The following PHF21B variants were observed in gnomAD, a reference collection of about 807,000 sequenced individuals.
PHF21B encodes the protein PHD finger protein 21B.
In PHF21B, 22 loss-of-function variants were observed where a neutral mutation model predicts 62.2. That is an observed-to-expected ratio of 0.35 (90% confidence interval 0.25 to 0.51). The LOEUF is 0.51. PHF21B is among the 20% of genes least tolerant of loss of function. PHF21B has a pLI of 0.97. For missense variants in PHF21B, 701 were observed against 707.9 expected (o/e 0.99, Z 0.11); for synonymous variants, 341 against 314.7 (o/e 1.08, Z -0.88).
intron 2 of PHF21B, among the ~76,000 whole-genome samples, chr22:44,959,152 G>A (rs1378520080): frequency 6.6e-6 from 1 of 152,158 alleles, no homozygotes; most frequent in Non-Finnish European, 1.5e-5. Context: ...CTTGTTGGAA[G>A]CTCCCCTGGC....
At chr22:44,919,217 A>C (rs2071492402) in intron 3 of PHF21B, among the ~76,000 whole-genome samples, 1 of 81,752 alleles carries the variant, frequency 1.2e-5, no homozygotes, top group Non-Finnish European at 2.5e-5. Flanking sequence ...GCATGGCCCG[A>C]TCACCCTGGA....
intron 2 of PHF21B, among the ~76,000 whole-genome samples, chr22:44,952,690 G>C (rs2072217405): frequency 6.6e-6 from 1 of 152,172 alleles, no homozygotes; most frequent in African/African-American, 2.4e-5. Context: ...TGATGAATAT[G>C]TTTACAGTTG....
At chr22:44,942,804 G>A (rs570587891) in intron 2 of PHF21B, among the ~76,000 whole-genome samples, 2 of 152,326 alleles carry the variant, frequency 1.3e-5, no homozygotes, top group East Asian at 3.9e-4. Context: ...CGGGGGTGCA[G>A]GAGTTGGTTC....
intron 2 of PHF21B, among the ~76,000 whole-genome samples, chr22:44,996,256 C>G (rs909507160): frequency 2.6e-5 from 4 of 152,144 alleles, no homozygotes; most frequent in African/African-American, 9.7e-5. Context: ...GTTGTAATTA[C>G]ACAGCCACAG....
chr22:44,948,691 GA>G lies in PHF21B; in HGVS notation c.121-28202del, dbSNP rs143726909. 4.8e-3 allele frequency among the ~76,000 whole-genome samples: 603 copies of G among 126,750 alleles called. 1 individual carries two copies. Among genetic ancestry groups the G allele is most frequent in the Middle Eastern group, 8.4e-3 (2 of 238 alleles). 83.2% of individuals were successfully genotyped at this position (126,750 alleles called of 152,430 possible). A position where few individuals can be genotyped will look rare whatever the true frequency, so the allele number is the denominator to read the frequency against. ...GGGTGACAGAGTGAGACTCTGTCTG[GA>G]AAAAAAAAAAAAAAAGAGAGACAGA... is the stretch of plus-strand genomic sequence containing the variant. On this transcript the variant is annotated intron_variant, in intron 2 of 12. Transcript: ENST00000313237.
chr22:44,889,641 C>A (rs1353390564), intron 9 of PHF21B, 119 bp downstream of exon 9: 1 of 1,273,080 alleles, frequency 7.9e-7, no homozygotes, highest in Non-Finnish European at 1.1e-6. Flanking sequence ...AAGGCAGAAC[C>A]GAAAGGCCTT....
chr22:44,926,445 G>T (rs1257503134), intron 2 of PHF21B, among the ~76,000 whole-genome samples: 2 of 152,244 alleles, frequency 1.3e-5, no homozygotes, highest in African/African-American at 4.8e-5. Context: ...TCCTCACTCA[G>T]ATGCCCCAGA....
chr22:44,931,366 G>A (rs1282811735), intron 2 of PHF21B, among the ~76,000 whole-genome samples: 1 of 152,162 alleles, frequency 6.6e-6, no homozygotes. Context: ...ACCCGGCTCG[G>A]TCTCGGTGAC....
intron 2 of PHF21B, among the ~76,000 whole-genome samples, chr22:44,960,399 C>G (rs932675824): frequency 6.6e-6 from 1 of 152,186 alleles, no homozygotes; most frequent in Non-Finnish European, 1.5e-5. Flanking sequence ...CAAAGCCCCC[C>G]ACTCCTGTCC....
At chr22:44,981,485 G>T (rs750896838) in intron 2 of PHF21B, among the ~76,000 whole-genome samples, 4 of 152,244 alleles carry the variant, frequency 2.6e-5, no homozygotes, top group Non-Finnish European at 4.4e-5. Flanking sequence ...CCAAGGCCTG[G>T]CAGGCAGCAG....
chr22:44,889,897 G>T (rs750328131), intron 8 of PHF21B, 115 bp from the exon 9 acceptor site: 2 of 1,155,744 alleles, frequency 1.7e-6, no homozygotes, highest in Non-Finnish European at 2.4e-6. Context: ...GGCATGATGG[G>T]AGCATCATAA....
intron 6 of PHF21B, among the ~76,000 whole-genome samples, chr22:44,893,876 T>G (rs888779560): frequency 6.6e-6 from 1 of 152,204 alleles, no homozygotes; most frequent in Admixed American, 6.5e-5. Context: ...TACCCACAGG[T>G]TGGGTGATAC....
At chr22:44,928,808 C>G (rs2147333447) in intron 2 of PHF21B, among the ~76,000 whole-genome samples, 1 of 152,346 alleles carries the variant, frequency 6.6e-6, no homozygotes, top group South Asian at 2.1e-4. Context: ...CATGGAGACC[C>G]TCACTGGACA....
intron 2 of PHF21B, among the ~76,000 whole-genome samples, chr22:44,973,448 CA>C (rs2072676797): frequency 6.6e-6 from 1 of 152,146 alleles, no homozygotes. Context: ...CAGGCGGAGA[CA>C]GAGAACCACA....
At chr22:44,980,429 G>C (rs547192537) in intron 2 of PHF21B, among the ~76,000 whole-genome samples, 3 of 152,164 alleles carry the variant, frequency 2.0e-5, no homozygotes, top group Non-Finnish European at 2.9e-5. Context: ...CAGGGTTACC[G>C]GGCATCACCA....
intron 2 of PHF21B, among the ~76,000 whole-genome samples, chr22:44,940,319 G>A (rs1207760398): frequency 6.6e-6 from 1 of 152,180 alleles, no homozygotes; most frequent in African/African-American, 2.4e-5. Flanking sequence ...TGCACCCAGC[G>A]CCAATGCCAC....
At chr22:44,897,920 T>C (rs2071088495) in intron 5 of PHF21B, among the ~76,000 whole-genome samples, 1 of 152,164 alleles carries the variant, frequency 6.6e-6, no homozygotes, top group South Asian at 2.1e-4. Context: ...GCAATTCTCC[T>C]GCCTCAGCCT....
intron 2 of PHF21B, among the ~76,000 whole-genome samples, chr22:44,926,109 C>T (rs6519908): frequency 0.28 from 42,221 of 152,028 alleles, 6,695 homozygotes; most frequent in African/African-American, 0.43. Context: ...CCACATGCCA[C>T]GTCCCTAAGG....
chr22:45,009,297 C>T lies in PHF21B; in HGVS notation c.54+199G>A. On this transcript the variant is annotated intron_variant, in intron 1 of 12. Transcript: ENST00000313237. The surrounding 1 kb of genome is among the most constrained non-coding windows in gnomAD (Gnocchi z 5.9). ...CGCGTCCTCGATCCCGCAAACTGTGCAGGACAGCGCCAGGGGCAGGCGGAG... is the reference window on the plus strand; with the variant it reads ...CGCGTCCTCGATCCCGCAAACTGTGTAGGACAGCGCCAGGGGCAGGCGGAG... The T allele has an allele frequency of 1.6e-6, 1 of 613,040 alleles. No individual in the cohort carries two copies. The highest frequency in any genetic ancestry group is 2.7e-6 in the Non-Finnish European group (1 of 365,916). The allele number at this position is 613,040 out of a possible 1,614,324, so 38.0% of individuals were successfully genotyped here. A position where few individuals can be genotyped will look rare whatever the true frequency, so the allele number is the denominator to read the frequency against.
Sources: allele counts gnomAD v4.1 joint callset (sites outside exome capture counted in the v4.1 genomes callset), GRCh38; gene constraint gnomAD v4.1.1; non-coding constraint Gnocchi (gnomAD v3.1); transcripts MANE v1.5; gene names NCBI Gene and HGNC (gene_info 2026-07-23, HGNC 2026-07-21).